Variants in CERS3 observed in about 807,000 individuals in gnomAD.
The protein encoded by CERS3 is ceramide synthase 3.
Under a neutral mutation model 50.3 loss-of-function variants are expected in CERS3, and 33 were observed. The ratio of observed to expected loss-of-function variants is 0.66; its 90% CI spans 0.50 to 0.88. The LOEUF (loss-of-function observed/expected upper bound fraction) is 0.88, where lower values mean the gene tolerates loss of function less well. Ranked by LOEUF, CERS3 falls within the 40% of genes least tolerant of loss-of-function variation. The probability of loss-of-function intolerance (pLI) is 0.00; values close to 1 mark genes in which losing one functional copy is unlikely to be tolerated. For synonymous variants in CERS3, 176 were observed against 155.2 expected, an observed-to-expected ratio of 1.13 and a Z score of -0.99; for missense variants, 470 against 460.3, an observed-to-expected ratio of 1.02 and a Z score of -0.19.
intron 3 of CERS3, among the ~76,000 whole-genome samples, chr15:100,496,122 G>A (rs1325695084): frequency 1.3e-5 from 2 of 152,176 alleles, no homozygotes; most frequent in Admixed American, 1.3e-4. Flanking sequence ...CTTCATTGCA[G>A]AACAATATTC....
chr15:100,449,902 C>T (rs962815064), intron 11 of CERS3, among the ~76,000 whole-genome samples: 1 of 152,032 alleles, frequency 6.6e-6, no homozygotes, highest in African/African-American at 2.4e-5. Flanking sequence ...TAAAAACAAA[C>T]TTAAGATATC....
intron 11 of CERS3, among the ~76,000 whole-genome samples, chr15:100,439,212 G>T (rs1000682292): frequency 6.6e-6 from 1 of 152,116 alleles, no homozygotes; most frequent in Non-Finnish European, 1.5e-5. Context: ...ATAGTGGAAG[G>T]TTCTCATTCA....
chr15:100,540,389 A>C (rs1165815453), intron 1 of CERS3, among the ~76,000 whole-genome samples: 1 of 152,128 alleles, frequency 6.6e-6, no homozygotes, highest in African/African-American at 2.4e-5. Flanking sequence ...CTGAAAACAC[A>C]AAAAATTAGC....
intron 4 of CERS3, among the ~76,000 whole-genome samples, chr15:100,489,845 T>G (rs1162894872): frequency 6.6e-6 from 1 of 152,224 alleles, no homozygotes; most frequent in Non-Finnish European, 1.5e-5. Flanking sequence ...TAGAGCCAGC[T>G]CTCACTTGCT....
At chr15:100,474,099 G>A (rs2035051459) in intron 8 of CERS3, among the ~76,000 whole-genome samples, 1 of 148,628 alleles carries the variant, frequency 6.7e-6, no homozygotes, top group Non-Finnish European at 1.5e-5. Flanking sequence ...TAGAGACAAA[G>A]GAGATTTATG....
In CERS3 at chr15:100,490,851, T is replaced by C. The variant is rs2035628482; in HGVS notation, c.254A>G (p.Asn85Ser). Residue 85 changes from asparagine to serine, a missense_variant, in exon 4 of 12, where the codon AAT (asparagine) becomes AGT (serine). Coordinates refer to ENST00000679737, the MANE Select transcript of CERS3 (RefSeq NM_001378789.1). ...TTGCCTTGTGGAATGTTTGAAAAAATTCTCTAAGACAGTATTTGGTGTAAC... is the reference window on the plus strand; with the variant it reads ...TTGCCTTGTGGAATGTTTGAAAAAACTCTCTAAGACAGTATTTGGTGTAAC... ...RKVTPNTVLE[N>S]FFKHSTRQPL... 2 of 1,612,062 alleles carry C rather than the reference T, an allele frequency of 1.2e-6. No individual in the cohort carries two copies. Among genetic ancestry groups the C allele is most frequent in the South Asian group, 1.1e-5 (1 of 90,944 alleles).
At chr15:100,441,801 C>A (rs191442110) in intron 11 of CERS3, among the ~76,000 whole-genome samples, 1 of 122,304 alleles carries the variant, frequency 8.2e-6, no homozygotes, top group Non-Finnish European at 1.8e-5. Flanking sequence ...ACACATCAGT[C>A]CCCCCCAGTC....
intron 10 of CERS3, among the ~76,000 whole-genome samples, chr15:100,464,985 T>C (rs573769440): frequency 6.6e-6 from 1 of 152,180 alleles, no homozygotes; most frequent in East Asian, 1.9e-4. Context: ...AGTATGCAAA[T>C]GTGCTTGAGG....
At position 100,473,056 on chromosome 15, in the gene CERS3, T is replaced by C. The variant is rs2035019415; in HGVS notation, c.610-4A>G. ...GGATGATATGAGCTAGAAAATCCTGTAAGATGAGGGAAAATGGAAGCCATT... is the reference window on the plus strand; with the variant it reads ...GGATGATATGAGCTAGAAAATCCTGCAAGATGAGGGAAAATGGAAGCCATT... On this transcript the variant is annotated splice_polypyrimidine_tract_variant and splice_region_variant and intron_variant, in intron 8 of 11. Transcript: ENST00000679737. 1 of 1,610,784 alleles carries C rather than the reference T, an allele frequency of 6.2e-7. No individual in the cohort carries two copies.
rs1055795417 is a variant in CERS3, at chr15:100,501,606, C to T, written c.173+71G>A. The T allele has an allele frequency of 4.5e-6, 6 of 1,334,252 alleles. No homozygotes were observed. In the Admixed American group the frequency reaches 7.1e-5, roughly 16 times the overall value. 82.7% of individuals were successfully genotyped at this position (1,334,252 alleles called of 1,614,324 possible). On this transcript the variant is annotated intron_variant, in intron 3 of 11. Coordinates refer to ENST00000679737, the MANE Select transcript of CERS3 (RefSeq NM_001378789.1). ...CAGATTCTTTAAGGATCTCACTAAG[C>T]CTAAGACTGTATTATTCTAGTGTTA...
intron 8 of CERS3, among the ~76,000 whole-genome samples, chr15:100,475,311 C>T (rs2035091573): frequency 6.6e-6 from 1 of 152,206 alleles, no homozygotes; most frequent in African/African-American, 2.4e-5. Context: ...CATCACTCAA[C>T]ACAAACATTT....
intron 8 of CERS3, chr15:100,475,769 A>C (rs1213836295): frequency 6.4e-6 from 1 of 157,176 alleles, no homozygotes; most frequent in African/African-American, 2.4e-5. Flanking sequence ...TAGAATTAAT[A>C]CTACTAACAT....
intron 2 of CERS3, among the ~76,000 whole-genome samples, chr15:100,515,232 C>T (rs763739763): frequency 5.9e-5 from 9 of 152,210 alleles, no homozygotes; most frequent in Non-Finnish European, 1.0e-4. Flanking sequence ...AAAAACTTAT[C>T]ACAGCCATTT....
intron 11 of CERS3, among the ~76,000 whole-genome samples, chr15:100,431,418 A>G (rs2033126122): frequency 1.3e-5 from 2 of 152,166 alleles, no homozygotes; most frequent in Admixed American, 1.3e-4. Flanking sequence ...AAGAATCCCA[A>G]TGTGCTTATT....
At chr15:100,457,295 C>T (rs2034405362) in intron 10 of CERS3, among the ~76,000 whole-genome samples, 1 of 152,146 alleles carries the variant, frequency 6.6e-6, no homozygotes, top group Non-Finnish European at 1.5e-5. Flanking sequence ...GGATACAGAA[C>T]AGCCTATCTT....
intron 11 of CERS3, among the ~76,000 whole-genome samples, chr15:100,423,661 A>C (rs2032612873): frequency 6.6e-6 from 1 of 152,132 alleles, no homozygotes; most frequent in Non-Finnish European, 1.5e-5. Context: ...TATGCTCACT[A>C]CCTGGGTGAC....
intron 11 of CERS3, among the ~76,000 whole-genome samples, chr15:100,426,514 G>C (rs2032820261): frequency 6.6e-6 from 1 of 152,180 alleles, no homozygotes; most frequent in African/African-American, 2.4e-5. Flanking sequence ...GAAAGAGAGG[G>C]AGAGAGAATA....
chr15:100,481,589 G>A (rs972475517), intron 5 of CERS3, among the ~76,000 whole-genome samples: 3 of 152,244 alleles, frequency 2.0e-5, no homozygotes, highest in Admixed American at 6.5e-5. Flanking sequence ...CATCGGGCAC[G>A]GTGCTGCGCA....
intron 11 of CERS3, among the ~76,000 whole-genome samples, chr15:100,441,802 C>G (rs923875856): frequency 9.0e-5 from 11 of 122,584 alleles, no homozygotes; most frequent in African/African-American, 2.9e-4. Context: ...CACATCAGTC[C>G]CCCCCAGTCT....
Sources: gnomAD v4.1 joint callset for allele counts (sites outside exome capture counted in the v4.1 genomes callset) on GRCh38, gnomAD v4.1.1 for gene constraint, MANE v1.5 for transcripts, NCBI Gene and HGNC (gene_info 2026-07-23, HGNC 2026-07-21) for gene names.